GIGYF2: variants seen among roughly 807,000 people sequenced by gnomAD.
GIGYF2 encodes the protein GRB10-interacting GYF protein 2.
Under a neutral mutation model 208.1 loss-of-function variants are expected in GIGYF2, and 25 were observed. The ratio of observed to expected loss-of-function variants is 0.12; its 90% CI spans 0.09 to 0.17. The LOEUF is 0.17. Among genes scored for constraint, GIGYF2 ranks in the 10% least tolerant of loss-of-function variants. GIGYF2 has a pLI of 1.00. For missense variants in GIGYF2, 1,302 were observed against 1,579.4 expected (o/e 0.82, Z 2.98); for synonymous variants, 534 against 543.8 (o/e 0.98, Z 0.25).
At chr2:232,758,854 G>C (rs1302661904) in intron 6 of GIGYF2, among the ~76,000 whole-genome samples, 2 of 152,116 alleles carry the variant, frequency 1.3e-5, no homozygotes, top group Non-Finnish European at 2.9e-5. Context: ...CTTCCTTGTA[G>C]AGGACATGCG....
intron 8 of GIGYF2, among the ~76,000 whole-genome samples, chr2:232,773,170 G>A (rs922131381): frequency 6.6e-6 from 1 of 152,044 alleles, no homozygotes; most frequent in Non-Finnish European, 1.5e-5. Context: ...ATCATTTAGT[G>A]TATTCTTTTT....
chr2:232,795,037 C>A, intron 13 of GIGYF2, 93 bp downstream of exon 13: 1 of 960,850 alleles, frequency 1.0e-6, no homozygotes, highest in Non-Finnish European at 1.7e-6. Context: ...ACTTTTGTCA[C>A]TAGATTTTAA....
intron 22 of GIGYF2, among the ~76,000 whole-genome samples, chr2:232,838,831 C>G (rs989179418): frequency 6.6e-6 from 1 of 151,958 alleles, no homozygotes; most frequent in African/African-American, 2.4e-5. Context: ...CACCCCAGGG[C>G]AGGTGCATTT....
intron 2 of GIGYF2, chr2:232,729,663 C>T (rs1010868676): frequency 3.0e-5 from 28 of 942,916 alleles, no homozygotes; most frequent in Non-Finnish European, 4.7e-5. Flanking sequence ...CTGTATCCCA[C>T]TTGAACTAGT....
Position 232,772,139 on chromosome 2 carries a change from C to T in GIGYF2, c.532+10703C>T, listed in dbSNP as rs79776091. Among the ~76,000 whole-genome samples the T allele has an allele frequency of 9.7e-3, 1,470 of 152,262 alleles. 26 individuals carry two copies. Among genetic ancestry groups the T allele is most frequent in the African/African-American group, 0.033 (1,370 of 41,554 alleles). Reference sequence around the variant, plus strand: ...ATATTGCCTAGGCTGGTCTCAGACTCCTGTTCTCAAGCCATCTTCCCACTT... The same window carrying T: ...ATATTGCCTAGGCTGGTCTCAGACTTCTGTTCTCAAGCCATCTTCCCACTT... On this transcript the variant is annotated intron_variant, in intron 8 of 28. Transcript: ENST00000373563.
At chr2:232,784,413 G>A (rs1442635539) in intron 8 of GIGYF2, among the ~76,000 whole-genome samples, 89 of 70,954 alleles carry the variant, frequency 1.3e-3, no homozygotes, top group Non-Finnish European at 3.2e-4. Flanking sequence ...TTTTTGAGAC[G>A]GAGTCTTGCT....
intron 8 of GIGYF2, among the ~76,000 whole-genome samples, chr2:232,777,245 T>C (rs1699553138): frequency 6.6e-6 from 1 of 152,180 alleles, no homozygotes; most frequent in Non-Finnish European, 1.5e-5. Flanking sequence ...ATTTTAATGA[T>C]GTTTAGAAGA....
chr2:232,772,084 A>G (rs1172419229), intron 8 of GIGYF2, among the ~76,000 whole-genome samples: 1 of 152,104 alleles, frequency 6.6e-6, no homozygotes, highest in Non-Finnish European at 1.5e-5. Flanking sequence ...AATTTTTAGA[A>G]TTTTAATTTT....
At chr2:232,788,806 C>A (rs1391125215) in intron 9 of GIGYF2, among the ~76,000 whole-genome samples, 1 of 151,824 alleles carries the variant, frequency 6.6e-6, no homozygotes, top group Non-Finnish European at 1.5e-5. Context: ...ACTTTTAATC[C>A]ATATACATAT....
intron 8 of GIGYF2, among the ~76,000 whole-genome samples, chr2:232,786,608 C>T (rs1242336894): frequency 3.9e-5 from 6 of 152,208 alleles, no homozygotes; most frequent in Non-Finnish European, 7.3e-5. Context: ...TAGGCAGAAT[C>T]ACCAGTAGGT....
rs11365519 is a variant in GIGYF2 at position 232,708,671 on chromosome 2, TAAAAAAAA to T, written c.-44+5196_-44+5203del. On this transcript the variant is annotated intron_variant, in intron 2 of 28. Coordinates refer to ENST00000373563, the MANE Select transcript of GIGYF2 (RefSeq NM_001103146.3). ...GCAACATGGCAAAACCTCATTTCTT[TAAAAAAAA>T]AAAAAAAAAAAAAGTAGCTGGGCAT... 1.5e-3 allele frequency among the ~76,000 whole-genome samples: 182 copies of T among 120,398 alleles called. 1 individual carries two copies. Among genetic ancestry groups the T allele is most frequent in the Non-Finnish European group, 1.8e-3 (106 of 57,578 alleles). 79.0% of individuals were successfully genotyped at this position (120,398 alleles called of 152,430 possible).
At chr2:232,770,001 A>T (rs565738491) in intron 8 of GIGYF2, among the ~76,000 whole-genome samples, 5 of 152,242 alleles carry the variant, frequency 3.3e-5, no homozygotes, top group Admixed American at 6.5e-5. Flanking sequence ...CCTGTAGGAG[A>T]TGCCAAATTT....
At chr2:232,714,604 C>T (rs1559377703) in intron 2 of GIGYF2, among the ~76,000 whole-genome samples, 1 of 152,066 alleles carries the variant, frequency 6.6e-6, no homozygotes, top group Non-Finnish European at 1.5e-5. Flanking sequence ...TTCAGAAATG[C>T]ACACACTGAT....
chr2:232,751,716 A>T (rs1347911386), intron 5 of GIGYF2, among the ~76,000 whole-genome samples: 1 of 152,184 alleles, frequency 6.6e-6, no homozygotes, highest in Non-Finnish European at 1.5e-5. Flanking sequence ...TAGTTACCAA[A>T]ATGTGGTAGA....
chr2:232,729,559 C>T lies in GIGYF2; in HGVS notation c.-43-5596C>T, dbSNP rs1371920111. 6 of 1,407,212 alleles carry T rather than the reference C, an allele frequency of 4.3e-6. No individual in the cohort carries two copies. In the African/African-American group the frequency reaches 8.5e-5, roughly 20 times the overall value. The allele number at this position is 1,407,212 out of a possible 1,614,324, so 87.2% of individuals were successfully genotyped here. A position where few individuals can be genotyped will look rare whatever the true frequency, so the allele number is the denominator to read the frequency against. On this transcript the variant is annotated intron_variant, in intron 2 of 28. Transcript: ENST00000373563. Reference sequence around the variant, plus strand: ...TGAAAGCAGCCACATCCATGGACTGCACATAGTCTTCAAAAGCAGTGATCT... The same window carrying T: ...TGAAAGCAGCCACATCCATGGACTGTACATAGTCTTCAAAAGCAGTGATCT...
At chr2:232,771,034 A>C in intron 8 of GIGYF2, 1 of 1,614,092 alleles carries the variant, frequency 6.2e-7, no homozygotes, top group Non-Finnish European at 8.5e-7. Context: ...GGAGAAGGAG[A>C]ATGCAGCTGT....
chr2:232,850,338 A>T lies in GIGYF2; in HGVS notation c.3761A>T (p.Asn1254Ile). 1.2e-6 allele frequency: 2 copies of T among 1,613,984 alleles called. No homozygotes were observed. Among genetic ancestry groups the T allele is most frequent in the Non-Finnish European group, 1.7e-6 (2 of 1,179,900 alleles). Reference protein sequence around the residue: ...QTNQSNNQQSNFEAVQSGKKK... With the variant: ...QTNQSNNQQSIFEAVQSGKKK... ...AATCAAAGCAACAACCAACAATCCAATTTTGAGGCTGTGCAGAGTGGCAAG... is the reference window on the plus strand; with the variant it reads ...AATCAAAGCAACAACCAACAATCCATTTTTGAGGCTGTGCAGAGTGGCAAG... The change falls in exon 28 of 29, where the codon AAT becomes ATT. Residue 1254 changes from asparagine (N) to isoleucine (I), a missense_variant. Physicochemically the swap from Asn to Ile is moderately radical, Grantham distance 149 (BLOSUM62 -3). This residue lies in a region of GIGYF2 where 701 missense variants were observed against 793.0 expected (regional missense o/e 0.88). Transcript: ENST00000373563.
intron 2 of GIGYF2, among the ~76,000 whole-genome samples, chr2:232,720,192 G>T (rs1037827566): frequency 6.6e-6 from 1 of 152,174 alleles, no homozygotes; most frequent in African/African-American, 2.4e-5. Context: ...AGAATGTGTG[G>T]TGTTTGGTTT....
chr2:232,718,111 G>A (rs992008938), intron 2 of GIGYF2, among the ~76,000 whole-genome samples: 7 of 151,864 alleles, frequency 4.6e-5, no homozygotes, highest in African/African-American at 1.7e-4. Context: ...TTTTTGAGAC[G>A]AATTCTCACT....
Sources: gnomAD v4.1 joint callset for allele counts (sites outside exome capture counted in the v4.1 genomes callset) on GRCh38, gnomAD v4.1.1 for gene constraint, gnomAD v4.1.1 regional missense constraint, MANE v1.5 for transcripts, NCBI Gene and HGNC (gene_info 2026-07-23, HGNC 2026-07-21) for gene names.